CCSER1: variants seen among roughly 807,000 people sequenced by gnomAD.
The protein encoded by CCSER1 is coiled-coil serine rich protein 1, also known as serine-rich coiled-coil domain-containing protein 1.
Under a neutral mutation model 82.0 loss-of-function variants are expected in CCSER1, and 41 were observed. The ratio of observed to expected loss-of-function variants is 0.50; its 90% CI spans 0.39 to 0.65. The LOEUF is 0.65. CCSER1 is among the 30% of genes least tolerant of loss of function. The pLI is 0.00. For missense variants in CCSER1, 1,119 were observed against 1,064.2 expected (o/e 1.05, Z -0.72); for synonymous variants, 414 against 383.9 (o/e 1.08, Z -0.92).
chr4:91,078,658 C>T (rs376095141), intron 9 of CCSER1, among the ~76,000 whole-genome samples: 23 of 152,188 alleles, frequency 1.5e-4, no homozygotes, highest in African/African-American at 5.5e-4. Context: ...TGTACGAACC[C>T]ATCGCAAGAA....
chr4:90,688,409 A>G (rs1303462610), intron 6 of CCSER1, among the ~76,000 whole-genome samples: 3 of 152,140 alleles, frequency 2.0e-5, no homozygotes, highest in Non-Finnish European at 4.4e-5. Flanking sequence ...ACAATTTAAT[A>G]ATATATACCA....
intron 6 of CCSER1, among the ~76,000 whole-genome samples, chr4:90,705,857 C>T (rs1739237731): frequency 6.6e-6 from 1 of 152,214 alleles, no homozygotes; most frequent in African/African-American, 2.4e-5. Context: ...ACACAATTTT[C>T]CAGGTGCCGT....
intron 10 of CCSER1, among the ~76,000 whole-genome samples, chr4:91,589,123 A>G (rs1194464619): frequency 3.3e-5 from 5 of 151,902 alleles, no homozygotes; most frequent in Non-Finnish European, 5.9e-5. Context: ...TTATACTGAT[A>G]TAAAACAACA....
intron 10 of CCSER1, among the ~76,000 whole-genome samples, chr4:91,124,961 C>G (rs1336013288): frequency 6.6e-6 from 1 of 151,632 alleles, no homozygotes; most frequent in Admixed American, 6.6e-5. Flanking sequence ...CTTTCTTTCC[C>G]TACATGTTAC....
intron 9 of CCSER1, among the ~76,000 whole-genome samples, chr4:91,050,290 G>T (rs1046349347): frequency 2.0e-5 from 3 of 151,996 alleles, no homozygotes; most frequent in African/African-American, 7.3e-5. Context: ...AATGAACCGG[G>T]CATGGTGGCA....
At chr4:91,036,550 C>A (rs1324854172) in intron 9 of CCSER1, among the ~76,000 whole-genome samples, 3 of 152,040 alleles carry the variant, frequency 2.0e-5, no homozygotes, top group African/African-American at 7.2e-5. Context: ...AAGACAGAAA[C>A]CACGATCCTA....
intron 8 of CCSER1, among the ~76,000 whole-genome samples, chr4:90,821,280 A>G (rs1216357730): frequency 6.6e-6 from 1 of 152,214 alleles, no homozygotes; most frequent in African/African-American, 2.4e-5. Context: ...GATGATTGCT[A>G]AGAACTACTG....
intron 5 of CCSER1, among the ~76,000 whole-genome samples, chr4:90,522,271 T>C (rs1260706169): frequency 2.0e-5 from 3 of 152,182 alleles, no homozygotes; most frequent in Non-Finnish European, 4.4e-5. Flanking sequence ...AGGACTCTTA[T>C]TCCCACACCT....
rs1426989711 is a variant in CCSER1, at chr4:91,520,953, G to A, written c.2218-77619G>A. ...GCACAATGTGCAGGTTTGTTACATA[G>A]GTATACATGTGTCATGTTGGTTTGC... On this transcript the variant is annotated intron_variant, in intron 10 of 10. Transcript: ENST00000509176. 6.6e-5 allele frequency among the ~76,000 whole-genome samples: 10 copies of A among 152,102 alleles called. No individual in the cohort carries two copies. In the East Asian group the frequency reaches 1.9e-3, roughly 29 times the overall value.
chr4:91,324,988 G>A (rs1441290510), intron 10 of CCSER1: 4 of 341,664 alleles, frequency 1.2e-5, no homozygotes, highest in South Asian at 9.1e-5. Context: ...ATTGGATCAT[G>A]AAGGCAGATT....
chr4:90,808,020 A>G (rs1757752763), intron 7 of CCSER1, among the ~76,000 whole-genome samples: 1 of 152,162 alleles, frequency 6.6e-6, no homozygotes, highest in African/African-American at 2.4e-5. Flanking sequence ...AACCAAAACA[A>G]TATGGTACCT....
chr4:90,885,391 G>T (rs1721974888), intron 8 of CCSER1, among the ~76,000 whole-genome samples: 1 of 152,170 alleles, frequency 6.6e-6, no homozygotes, highest in Non-Finnish European at 1.5e-5. Flanking sequence ...AAATGTACAA[G>T]ATGGCAATAG....
intron 5 of CCSER1, among the ~76,000 whole-genome samples, chr4:90,546,680 A>G (rs1299817901): frequency 3.3e-5 from 5 of 152,120 alleles, no homozygotes; most frequent in African/African-American, 1.2e-4. Context: ...TTTCCTATAA[A>G]AGATACTGAT....
At chr4:90,337,741 G>GA (rs1178789928) in intron 3 of CCSER1, among the ~76,000 whole-genome samples, 2 of 151,072 alleles carry the variant, frequency 1.3e-5, no homozygotes, top group African/African-American at 2.4e-5. Context: ...ACAGACATCT[G>GA]AAAAAAAGTA....
chr4:91,595,865 T>C (rs1037598694), intron 10 of CCSER1, among the ~76,000 whole-genome samples: 3 of 144,910 alleles, frequency 2.1e-5, no homozygotes, highest in Non-Finnish European at 4.5e-5. Flanking sequence ...ACCCTACCCA[T>C]ATGATTAACC....
chr4:90,698,209 G>A (rs72661871), intron 6 of CCSER1, among the ~76,000 whole-genome samples: 4,122 of 152,206 alleles, frequency 0.027, 77 homozygotes, highest in Middle Eastern at 0.045. Flanking sequence ...GGGGTGATAA[G>A]AATTAAAAGA....
chr4:91,525,216 G>A (rs1560737932), intron 10 of CCSER1, among the ~76,000 whole-genome samples: 1 of 152,052 alleles, frequency 6.6e-6, no homozygotes, highest in South Asian at 2.1e-4. Context: ...AGTCTAAGAG[G>A]GGAGGCAGTA....
chr4:91,179,002 A>G (rs1339161432), intron 10 of CCSER1, among the ~76,000 whole-genome samples: 1 of 152,168 alleles, frequency 6.6e-6, no homozygotes, highest in Non-Finnish European at 1.5e-5. Flanking sequence ...CCTGGTGGTG[A>G]CAAAATCTCT....
chr4:91,218,581 T>G (rs973806971), intron 10 of CCSER1, among the ~76,000 whole-genome samples: 3 of 152,202 alleles, frequency 2.0e-5, no homozygotes, highest in Non-Finnish European at 4.4e-5. Context: ...AGCTTACTAT[T>G]TAGAACTTAA....
Sources: allele counts gnomAD v4.1 joint callset (sites outside exome capture counted in the v4.1 genomes callset), GRCh38; gene constraint gnomAD v4.1.1; transcripts MANE v1.5; gene names NCBI Gene and HGNC (gene_info 2026-07-23, HGNC 2026-07-21).